Variants in SLC30A6 observed in about 807,000 individuals in gnomAD.
The protein encoded by SLC30A6 is zinc transporter 6.
A neutral mutation model predicts 63.0 loss-of-function variants in SLC30A6; 55 were observed. That is an observed-to-expected ratio of 0.87 (90% CI 0.70 to 1.09). SLC30A6 has a LOEUF of 1.09. SLC30A6 is among the 50% of genes least tolerant of loss of function. The probability of loss-of-function intolerance (pLI) is 0.00; values close to 1 mark genes in which losing one functional copy is unlikely to be tolerated. For missense variants in SLC30A6, 587 were observed against 549.2 expected (o/e 1.07, Z -0.69); for synonymous variants, 224 against 186.1 (o/e 1.20, Z -1.66).
chr2:32,192,309 A>G (rs935356401), intron 5 of SLC30A6, 27 bp from the exon 6 acceptor site: 9 of 1,601,962 alleles, frequency 5.6e-6, no homozygotes, highest in African/African-American at 5.4e-5. Context: ...AAGAATTGTG[A>G]TGATCTAATT....
intron 6 of SLC30A6, among the ~76,000 whole-genome samples, 163 bp downstream of exon 6, chr2:32,192,579 T>C (rs1297320882): frequency 6.6e-6 from 1 of 152,208 alleles, no homozygotes; most frequent in Non-Finnish European, 1.5e-5. Context: ...TTTCTTCTGT[T>C]TCATTTTTTT....
chr2:32,170,120 T>A (rs1397356294), intron 1 of SLC30A6, among the ~76,000 whole-genome samples: 2 of 152,208 alleles, frequency 1.3e-5, no homozygotes, highest in Non-Finnish European at 2.9e-5. Flanking sequence ...ATTTTTTTCC[T>A]TTAGAGCTTC....
intron 10 of SLC30A6, chr2:32,201,638 G>C: frequency 6.6e-7 from 1 of 1,516,528 alleles, no homozygotes; most frequent in Non-Finnish European, 8.9e-7. Flanking sequence ...TTATGGAACT[G>C]GAAGCACCCT....
chr2:32,177,638 A>C (rs1382641444), intron 4 of SLC30A6: 1 of 160,958 alleles, frequency 6.2e-6, no homozygotes, highest in East Asian at 1.9e-4. Context: ...TGCTCTTACA[A>C]TTAGGTCTTT....
At chr2:32,193,737 A>G in intron 7 of SLC30A6, 152 bp from the exon 8 acceptor site, 1 of 603,182 alleles carries the variant, frequency 1.7e-6, no homozygotes, top group African/African-American at 1.9e-5. Flanking sequence ...TGATGGGGCT[A>G]GTAACTAAGT....
intron 10 of SLC30A6, chr2:32,201,588 C>G (rs1684300622): frequency 1.4e-6 from 2 of 1,446,690 alleles, no homozygotes. Flanking sequence ...AGGGAGGCAG[C>G]AGTGGCCAGT....
At chr2:32,216,115 G>T (rs1250584216) in intron 13 of SLC30A6, among the ~76,000 whole-genome samples, 1 of 152,182 alleles carries the variant, frequency 6.6e-6, no homozygotes, top group African/African-American at 2.4e-5. Context: ...TCTGTTTTAA[G>T]TTCTTTGAGA....
In SLC30A6 at chr2:32,192,429, A is replaced by G. The variant is rs1207251134; in HGVS notation, c.365+13A>G. The stretch of plus-strand genomic sequence containing the variant: ...TATTAAAAGAAAGGTACATTTGTAT[A>G]GGATATTATTCTAAATCCCCCCATG... On this transcript the variant is annotated intron_variant, in intron 6 of 13. Transcript: ENST00000282587. 1 of 1,607,120 alleles carries G rather than the reference A, an allele frequency of 6.2e-7. No individual in the cohort carries two copies.
At chr2:32,176,172 A>G (rs1405784761) in intron 4 of SLC30A6, among the ~76,000 whole-genome samples, 4 of 152,158 alleles carry the variant, frequency 2.6e-5, no homozygotes, top group Non-Finnish European at 4.4e-5. Flanking sequence ...TAATTCATAC[A>G]GAGAGTTTAC....
Position 32,197,458 on chromosome 2 carries a change from T to C in SLC30A6, c.545+66T>C. The C allele has an allele frequency of 2.0e-6, 3 of 1,469,480 alleles. No individual in the cohort carries two copies. In the South Asian group the frequency reaches 3.5e-5, roughly 17 times the overall value. The allele number at this position is 1,469,480 out of a possible 1,614,324, so 91.0% of individuals were successfully genotyped here. ...GAATACACAAGAAATGCATCTATCATGGGAACTTAAATTATTCGTTGCTGA... is the reference window on the plus strand; with the variant it reads ...GAATACACAAGAAATGCATCTATCACGGGAACTTAAATTATTCGTTGCTGA... On this transcript the variant is annotated intron_variant, in intron 9 of 13. Transcript: ENST00000282587.
intron 2 of SLC30A6, among the ~76,000 whole-genome samples, chr2:32,173,771 G>T (rs1346900169): frequency 6.6e-6 from 1 of 152,170 alleles, no homozygotes; most frequent in Admixed American, 6.5e-5. Flanking sequence ...TGTACTTATA[G>T]AGACAAAACG....
chr2:32,220,226 A>C lies in SLC30A6; in HGVS notation c.899A>C (p.His300Pro). Residue 300 changes from histidine to proline, a missense_variant, in exon 14 of 14, where the codon CAT becomes CCT. Physicochemically the swap from His to Pro is moderately conservative, Grantham distance 77 (BLOSUM62 -2). Transcript: ENST00000282587. ...TGCCCCTTTTAGGCTGGATCAGTGC[A>C]TGTAAGAATTCGACGAGATGCCAAT... ...LGFGSLAGSV[H>P]VRIRRDANEQ... 1.4e-5 allele frequency: 22 copies of C among 1,613,832 alleles called. No homozygotes were observed. The highest frequency in any genetic ancestry group is 1.8e-5 in the Non-Finnish European group (21 of 1,179,724).
rs770351361 is a variant in SLC30A6, at chr2:32,220,631, C to G, written c.1304C>G (p.Ala435Gly). 2.5e-6 allele frequency: 4 copies of G among 1,614,124 alleles called. No homozygotes were observed. The highest frequency in any genetic ancestry group is 3.3e-5 in the Admixed American group (2 of 60,012). ...NQGLGVPGIG[A>G]TQGLRTGFTN... The stretch of plus-strand genomic sequence containing the variant: ...GGACTTGGAGTTCCAGGAATTGGAG[C>G]AACTCAAGGATTGAGGACTGGTTTT... The change falls in exon 14 of 14, where the codon GCA becomes GGA. Residue 435 changes from alanine to glycine, a missense_variant. Physicochemically the swap from Ala to Gly is moderately conservative, Grantham distance 60. Coordinates refer to ENST00000282587, the MANE Select transcript of SLC30A6 (RefSeq NM_017964.5).
At chr2:32,208,230 A>G (rs1573399399) in intron 12 of SLC30A6, among the ~76,000 whole-genome samples, 2 of 151,338 alleles carry the variant, frequency 1.3e-5, no homozygotes, top group East Asian at 2.0e-4. Context: ...TCCTGAGTTC[A>G]AGCGATTCTC....
intron 13 of SLC30A6, among the ~76,000 whole-genome samples, chr2:32,213,094 A>G (rs1431924946): frequency 2.0e-5 from 3 of 150,712 alleles, no homozygotes; most frequent in Admixed American, 6.6e-5. Flanking sequence ...TTTTTTGTAG[A>G]GACAGTCTTG....
chr2:32,198,045 A>G (rs566111495), intron 10 of SLC30A6, among the ~76,000 whole-genome samples: 32 of 152,356 alleles, frequency 2.1e-4, no homozygotes, highest in African/African-American at 7.2e-4. Context: ...CTGGAAAACA[A>G]TTTAAATTCC....
At chr2:32,189,662 A>G (rs1451007346) in intron 5 of SLC30A6, among the ~76,000 whole-genome samples, 1 of 121,320 alleles carries the variant, frequency 8.2e-6, no homozygotes, top group Non-Finnish European at 1.6e-5. Context: ...ATGTTGGAGT[A>G]CAGTGGCATG....
chr2:32,187,416 A>G, intron 5 of SLC30A6: 1 of 364,218 alleles, frequency 2.7e-6, no homozygotes, highest in East Asian at 7.2e-5. Flanking sequence ...ATCAGTCTTT[A>G]TAGATCAGTT....
intron 12 of SLC30A6, among the ~76,000 whole-genome samples, 155 bp from the exon 13 acceptor site, chr2:32,209,338 A>T (rs907741534): frequency 6.6e-6 from 1 of 152,206 alleles, no homozygotes; most frequent in Admixed American, 6.5e-5. Flanking sequence ...CAGGAATGGT[A>T]TCTTGAGTGG....
Sources: gnomAD v4.1 joint callset for allele counts (sites outside exome capture counted in the v4.1 genomes callset) on GRCh38, gnomAD v4.1.1 for gene constraint, MANE v1.5 for transcripts, NCBI Gene and HGNC (gene_info 2026-07-23, HGNC 2026-07-21) for gene names.